ARHGAP20: variants seen among roughly 807,000 people sequenced by gnomAD.
ARHGAP20 encodes the protein Rho GTPase activating protein 20.
ARHGAP20 carries 34 observed loss-of-function variants against 73.7 expected under a neutral mutation model. The ratio of observed to expected loss-of-function variants is 0.46; its 90% CI spans 0.35 to 0.61. ARHGAP20 has a LOEUF of 0.61. Among genes scored for constraint, ARHGAP20 ranks in the 20% least tolerant of loss-of-function variants. The pLI, the probability that ARHGAP20 is intolerant of heterozygous loss-of-function variation, is 0.00. For synonymous variants in ARHGAP20, 523 were observed against 518.2 expected, an observed-to-expected ratio of 1.01 and a Z score of -0.13; for missense variants, 1,314 against 1,420.9, an observed-to-expected ratio of 0.92 and a Z score of 1.21.
chr11:110,655,182 C>G (rs1949438396), intron 2 of ARHGAP20, among the ~76,000 whole-genome samples: 1 of 152,080 alleles, frequency 6.6e-6, no homozygotes, highest in Non-Finnish European at 1.5e-5. Context: ...TTAATGTGCC[C>G]AAAACATCAG....
At chr11:110,624,484 G>A (rs1488085159) in intron 3 of ARHGAP20, among the ~76,000 whole-genome samples, 173 bp from the exon 4 acceptor site, 1 of 151,178 alleles carries the variant, frequency 6.6e-6, no homozygotes, top group Admixed American at 6.6e-5. Context: ...TGGACACAGA[G>A]AGGGGAATAA....
intron 2 of ARHGAP20, among the ~76,000 whole-genome samples, chr11:110,686,329 A>G (rs1037114659): frequency 2.6e-5 from 4 of 152,076 alleles, no homozygotes. Context: ...AAAAGAACTA[A>G]TACATCTATA....
chr11:110,636,554 C>T (rs1014021322), intron 2 of ARHGAP20, among the ~76,000 whole-genome samples: 1 of 152,036 alleles, frequency 6.6e-6, no homozygotes, highest in African/African-American at 2.4e-5. Context: ...GGAGAATTCA[C>T]AATAAAATTA....
chr11:110,699,917 C>T (rs1431248948), intron 1 of ARHGAP20, among the ~76,000 whole-genome samples: 2 of 151,880 alleles, frequency 1.3e-5, no homozygotes, highest in Non-Finnish European at 2.9e-5. Context: ...TACAAGTGTG[C>T]CTATGTAGAA....
chr11:110,676,588 T>G lies in ARHGAP20; in HGVS notation c.188+13959A>C, dbSNP rs536891597. On this transcript the variant is annotated intron_variant, in intron 2 of 14. Coordinates refer to ENST00000683387, the MANE Select transcript of ARHGAP20 (RefSeq NM_001384657.1). ...GTTCCCTCCCATGACATGTGGGGAT[T>G]ATGGGAACTACAATTTAAGATGAGA... is the stretch of plus-strand genomic sequence containing the variant. Among the ~76,000 whole-genome samples the G allele has an allele frequency of 2.0e-3, 309 of 152,266 alleles. 1 individual carries two copies. The highest frequency in any genetic ancestry group is 7.0e-3 in the African/African-American group (289 of 41,548).
At chr11:110,601,985 A>C (rs990452911) in intron 9 of ARHGAP20, among the ~76,000 whole-genome samples, 5 of 151,948 alleles carry the variant, frequency 3.3e-5, no homozygotes, top group African/African-American at 4.8e-5. Flanking sequence ...TTTTCTCAAA[A>C]AAAAAAAAAA....
chr11:110,630,275 A>G (rs10082696), intron 3 of ARHGAP20, among the ~76,000 whole-genome samples: 41,651 of 151,786 alleles, frequency 0.27, 5,835 homozygotes, highest in Admixed American at 0.36. Flanking sequence ...CCAGCACCCT[A>G]TTTTCTTCAT....
intron 1 of ARHGAP20, among the ~76,000 whole-genome samples, chr11:110,694,549 G>T (rs1196367127): frequency 6.6e-6 from 1 of 151,684 alleles, no homozygotes; most frequent in Non-Finnish European, 1.5e-5. Flanking sequence ...CAAAACTGCA[G>T]CAACACTACC....
intron 2 of ARHGAP20, among the ~76,000 whole-genome samples, chr11:110,655,374 A>G (rs912697858): frequency 2.6e-5 from 4 of 152,168 alleles, no homozygotes; most frequent in African/African-American, 9.6e-5. Context: ...CTTATCAATT[A>G]ATTACTAGCA....
chr11:110,639,296 T>C (rs569428588), intron 2 of ARHGAP20, among the ~76,000 whole-genome samples: 2 of 151,196 alleles, frequency 1.3e-5, no homozygotes, highest in South Asian at 4.3e-4. Flanking sequence ...GTTAGCCACA[T>C]TCCCTCTCTG....
At chr11:110,632,292 C>G (rs1254604087) in intron 2 of ARHGAP20, among the ~76,000 whole-genome samples, 3 of 152,182 alleles carry the variant, frequency 2.0e-5, no homozygotes, top group African/African-American at 4.8e-5. Flanking sequence ...ATTTTACATT[C>G]CCAGCAACAC....
intron 4 of ARHGAP20, among the ~76,000 whole-genome samples, chr11:110,623,011 CT>C (rs1185688931): frequency 1.3e-5 from 2 of 152,230 alleles, no homozygotes; most frequent in East Asian, 3.9e-4. Flanking sequence ...AAATTACTTC[CT>C]TTCACCTGTA....
At chr11:110,703,464 TATTCATTCATATATATGG>T (rs1003226099) in intron 1 of ARHGAP20, among the ~76,000 whole-genome samples, 1 of 150,930 alleles carries the variant, frequency 6.6e-6, no homozygotes, top group Non-Finnish European at 1.5e-5. Flanking sequence ...TATATATATA[TATTCATTCATATATATGG>T]ATTCATTCAT....
intron 2 of ARHGAP20, among the ~76,000 whole-genome samples, chr11:110,667,732 A>T (rs1198884018): frequency 2.0e-5 from 3 of 152,196 alleles, no homozygotes; most frequent in Non-Finnish European, 4.4e-5. Flanking sequence ...GATTCATTTG[A>T]GGAGGTCAAA....
intron 1 of ARHGAP20, among the ~76,000 whole-genome samples, chr11:110,709,342 T>C (rs1179430687): frequency 1.3e-5 from 2 of 152,194 alleles, no homozygotes; most frequent in African/African-American, 4.8e-5. Context: ...GAAAATCTAA[T>C]ATATAGCAGA....
chr11:110,691,057 T>C (rs1293219222), intron 1 of ARHGAP20: 2 of 1,416,156 alleles, frequency 1.4e-6, no homozygotes, highest in Non-Finnish European at 1.9e-6. Flanking sequence ...AAAAGACAAG[T>C]AAAGGAGAGG....
At chr11:110,624,023 G>T in intron 4 of ARHGAP20, 139 bp downstream of exon 4, 1 of 1,203,452 alleles carries the variant, frequency 8.3e-7, no homozygotes, top group Non-Finnish European at 1.1e-6. Context: ...ATGAGTTATT[G>T]ATTTAATATG....
At chr11:110,636,930 G>T (rs969449633) in intron 2 of ARHGAP20, among the ~76,000 whole-genome samples, 1 of 151,820 alleles carries the variant, frequency 6.6e-6, no homozygotes, top group African/African-American at 2.4e-5. Flanking sequence ...TTTTAATATA[G>T]CCTGATTAGG....
intron 2 of ARHGAP20, among the ~76,000 whole-genome samples, chr11:110,662,858 T>C (rs548633936): frequency 6.6e-6 from 1 of 152,050 alleles, no homozygotes; most frequent in Non-Finnish European, 1.5e-5. Context: ...AAATGTAGTC[T>C]TGGAGAAATA....
Sources: allele counts gnomAD v4.1 joint callset (sites outside exome capture counted in the v4.1 genomes callset), GRCh38; gene constraint gnomAD v4.1.1; transcripts MANE v1.5; gene names NCBI Gene and HGNC (gene_info 2026-07-23, HGNC 2026-07-21).